Variants in ADIPOR2 observed in about 807,000 individuals in gnomAD.
ADIPOR2 encodes adiponectin receptor protein 2.
In ADIPOR2, 18 loss-of-function variants were observed where a neutral mutation model predicts 40.9. That is an observed-to-expected ratio of 0.44 (90% CI 0.30 to 0.65). ADIPOR2 has a LOEUF of 0.65. ADIPOR2 is among the 30% of genes least tolerant of loss of function. The pLI is 0.09. For missense variants in ADIPOR2, 283 were observed against 479.2 expected, an observed-to-expected ratio of 0.59 and a Z score of 3.82; for synonymous variants, 165 against 166.4, an observed-to-expected ratio of 0.99 and a Z score of 0.06.
intron 1 of ADIPOR2, among the ~76,000 whole-genome samples, chr12:1,713,206 G>A (rs2094681074): frequency 6.6e-6 from 1 of 152,086 alleles, no homozygotes; most frequent in South Asian, 2.1e-4. Context: ...ACAGAAGAAG[G>A]CATCCTTGAG....
At chr12:1,710,450 C>T (rs939474033) in intron 1 of ADIPOR2, among the ~76,000 whole-genome samples, 4 of 152,026 alleles carry the variant, frequency 2.6e-5, no homozygotes, top group Non-Finnish European at 4.4e-5. Flanking sequence ...CCAGACGGGA[C>T]CATTGGACCC....
At chr12:1,753,894 C>G (rs1862057343) in intron 1 of ADIPOR2, among the ~76,000 whole-genome samples, 1 of 151,984 alleles carries the variant, frequency 6.6e-6, no homozygotes, top group Non-Finnish European at 1.5e-5. Context: ...AAAAAAAATG[C>G]AGGCAGAACA....
intron 1 of ADIPOR2, among the ~76,000 whole-genome samples, chr12:1,739,858 T>C (rs1262346444): frequency 6.6e-6 from 1 of 152,222 alleles, no homozygotes; most frequent in Non-Finnish European, 1.5e-5. Flanking sequence ...CCCAGCACTT[T>C]GGGAGGCTGA....
Position 1,765,230 on chromosome 12 carries a change from C to T in ADIPOR2, c.172-7612C>T, listed in dbSNP as rs74059361. On this transcript the variant is annotated intron_variant, in intron 2 of 7. Transcript: ENST00000357103. ...GTGAATTTGTATTTTGTGATTCACG[C>T]AGCACCTACATGATTTTAAATTAGT... Among the ~76,000 whole-genome samples, 222 of 152,274 alleles carry T rather than the reference C, an allele frequency of 1.5e-3. 1 individual carries two copies. The highest frequency in any genetic ancestry group is 5.2e-3 in the African/African-American group (217 of 41,570).
chr12:1,704,168 G>T (rs375300508), intron 1 of ADIPOR2, among the ~76,000 whole-genome samples: 124 of 145,524 alleles, frequency 8.5e-4, no homozygotes, highest in African/African-American at 3.0e-3. Context: ...TTGAATTTTT[G>T]AGTTAATAAT....
chr12:1,767,010 C>G (rs1862394015), intron 2 of ADIPOR2, among the ~76,000 whole-genome samples: 1 of 152,114 alleles, frequency 6.6e-6, no homozygotes, highest in Admixed American at 6.6e-5. Flanking sequence ...TGGCTCACGC[C>G]CGTAATCCCA....
At chr12:1,740,541 G>T (rs1239621664) in intron 1 of ADIPOR2, among the ~76,000 whole-genome samples, 1 of 152,148 alleles carries the variant, frequency 6.6e-6, no homozygotes, top group Non-Finnish European at 1.5e-5. Flanking sequence ...CCTCTCTAAA[G>T]CCTCTATTTC....
intron 1 of ADIPOR2, among the ~76,000 whole-genome samples, chr12:1,726,001 A>G (rs1263734930): frequency 1.3e-5 from 2 of 152,116 alleles, no homozygotes; most frequent in Non-Finnish European, 2.9e-5. Context: ...GGAACCTACA[A>G]TCTGTTGGTT....
chr12:1,747,970 A>G (rs891176376), intron 1 of ADIPOR2, among the ~76,000 whole-genome samples: 3 of 151,998 alleles, frequency 2.0e-5, no homozygotes, highest in African/African-American at 4.8e-5. Context: ...TCTTCAGTAC[A>G]TTTGTGGAGT....
At chr12:1,707,448 G>T (rs1592575420) in intron 1 of ADIPOR2, among the ~76,000 whole-genome samples, 1 of 151,322 alleles carries the variant, frequency 6.6e-6, no homozygotes, top group South Asian at 2.1e-4. Context: ...ATCTTATTGT[G>T]GTTTTTATTT....
intron 1 of ADIPOR2, among the ~76,000 whole-genome samples, chr12:1,699,746 A>G (rs567087945): frequency 6.6e-6 from 1 of 152,348 alleles, no homozygotes; most frequent in East Asian, 1.9e-4. Flanking sequence ...GGACGAACTG[A>G]TATCTTAGGA....
chr12:1,731,409 T>C (rs188066519), intron 1 of ADIPOR2, among the ~76,000 whole-genome samples: 37 of 152,326 alleles, frequency 2.4e-4, no homozygotes, highest in African/African-American at 8.2e-4. Flanking sequence ...TTCAGTGGCA[T>C]TAGGTATATT....
At position 1,742,556 on chromosome 12, in the gene ADIPOR2, A is replaced by G. The variant is rs575501837; in HGVS notation, c.-86-11702A>G. Among the ~76,000 whole-genome samples the G allele has an allele frequency of 5.9e-5, 9 of 152,234 alleles. No individual in the cohort carries two copies. The South Asian group carries it at 1.7e-3, about 28-fold the overall frequency. On this transcript the variant is annotated intron_variant, in intron 1 of 7. Coordinates refer to ENST00000357103, the MANE Select transcript of ADIPOR2 (RefSeq NM_024551.3). ...AGTCATCCTTTGGTATCCATGGGGG[A>G]TTGGTTCCAGGACCTCCCATGGATA...
In ADIPOR2 at chr12:1,781,033, G is replaced by A. The variant is rs16928751; in HGVS notation, c.795G>A (p.Gln265=). The change falls in exon 6 of 8, where the codon CAG becomes CAA. Residue 265 remains glutamine, a synonymous_variant. Coordinates refer to ENST00000357103, the MANE Select transcript of ADIPOR2 (RefSeq NM_024551.3). ...GCATTGCAGCCATTATAGTCTCCCA[G>A]TGGGACATGTTTGCCACCCCTCAGT... ...VLGIAAIIVS[Q]WDMFATPQYR... is the part of the protein sequence containing the mutation. 193,548 of 1,612,452 alleles carry A rather than the reference G, an allele frequency of 0.12. 12,452 individuals carry two copies. The highest frequency in any genetic ancestry group is 0.2 in the African/African-American group (15,258 of 74,888).
At chr12:1,725,892 A>G (rs1309259955) in intron 1 of ADIPOR2, among the ~76,000 whole-genome samples, 5 of 152,146 alleles carry the variant, frequency 3.3e-5, no homozygotes, top group Admixed American at 6.5e-5. Flanking sequence ...TTATTCATTA[A>G]TTTATTCATT....
At chr12:1,767,952 AATG>A (rs534538242) in intron 2 of ADIPOR2, among the ~76,000 whole-genome samples, 1 of 152,190 alleles carries the variant, frequency 6.6e-6, no homozygotes, top group Non-Finnish European at 1.5e-5. Context: ...TCCTAAAGCT[AATG>A]ATGAAGTTAT....
chr12:1,756,727 T>G (rs1862140677), intron 2 of ADIPOR2, among the ~76,000 whole-genome samples: 1 of 151,972 alleles, frequency 6.6e-6, no homozygotes, highest in Admixed American at 6.6e-5. Flanking sequence ...GGGACCCAGG[T>G]GTTAGAATAT....
intron 2 of ADIPOR2, chr12:1,758,151 T>C (rs1862185356): frequency 2.3e-6 from 1 of 441,004 alleles, no homozygotes; most frequent in African/African-American, 2.0e-5. Context: ...TCTTCACTGG[T>C]TGAAGTGGTA....
At chr12:1,769,756 G>T (rs1194947285) in intron 2 of ADIPOR2, among the ~76,000 whole-genome samples, 1 of 152,084 alleles carries the variant, frequency 6.6e-6, no homozygotes, top group Non-Finnish European at 1.5e-5. Context: ...TGGCCAGGCT[G>T]GTCTCGACCT....
Sources: allele counts gnomAD v4.1 joint callset (sites outside exome capture counted in the v4.1 genomes callset), GRCh38; gene constraint gnomAD v4.1.1; transcripts MANE v1.5; gene names NCBI Gene and HGNC (gene_info 2026-07-23, HGNC 2026-07-21).